The following MGMT variants were observed in gnomAD, a reference collection of about 807,000 sequenced individuals.
MGMT encodes the protein O-6-methylguanine-DNA methyltransferase.
Under a neutral mutation model 15.9 loss-of-function variants are expected in MGMT, and 14 were observed. That is an observed-to-expected ratio of 0.88 (90% CI 0.58 to 1.37). The LOEUF is 1.37. Among genes scored for constraint, MGMT ranks in the 40% most tolerant of loss-of-function variants. MGMT has a pLI of 0.00. For synonymous variants in MGMT, 130 were observed against 118.2 expected (o/e 1.10, Z -0.65); for missense variants, 282 against 268.1 (o/e 1.05, Z -0.36).
chr10:129,684,378 C>G (rs1409890129), intron 2 of MGMT, among the ~76,000 whole-genome samples: 1 of 152,160 alleles, frequency 6.6e-6, no homozygotes, highest in East Asian at 1.9e-4. Flanking sequence ...TGCAGGGGGG[C>G]CATCCCAGCA....
At chr10:129,612,382 A>G (rs1346265709) in intron 2 of MGMT, among the ~76,000 whole-genome samples, 4 of 152,230 alleles carry the variant, frequency 2.6e-5, no homozygotes, top group Non-Finnish European at 4.4e-5. Flanking sequence ...CATGCCTGAA[A>G]CAGTCTCTCA....
At chr10:129,552,867 G>GT (rs1173936304) in intron 2 of MGMT, among the ~76,000 whole-genome samples, 3 of 152,234 alleles carry the variant, frequency 2.0e-5, no homozygotes, top group East Asian at 3.9e-4. Flanking sequence ...ACCTTTTAAC[G>GT]TTTTTTTCCT....
intron 2 of MGMT, among the ~76,000 whole-genome samples, chr10:129,619,877 C>T (rs1273608284): frequency 6.6e-6 from 1 of 152,132 alleles, no homozygotes; most frequent in Non-Finnish European, 1.5e-5. Context: ...AGTCTTGTTA[C>T]AGGTTTATTC....
At chr10:129,512,481 T>G (rs1321378537) in intron 1 of MGMT, among the ~76,000 whole-genome samples, 1 of 152,114 alleles carries the variant, frequency 6.6e-6, no homozygotes, top group African/African-American at 2.4e-5. Flanking sequence ...CCACACCAGG[T>G]CTCTGGAAGG....
At chr10:129,471,765 T>C (rs879404956) in intron 1 of MGMT, among the ~76,000 whole-genome samples, 11 of 152,058 alleles carry the variant, frequency 7.2e-5, no homozygotes, top group Admixed American at 5.9e-4. Context: ...TGAGCACCTC[T>C]AGGGAAGGCC....
chr10:129,640,482 T>G (rs1847315821), intron 2 of MGMT, among the ~76,000 whole-genome samples: 1 of 152,230 alleles, frequency 6.6e-6, no homozygotes, highest in Non-Finnish European at 1.5e-5. Context: ...AATTTATAAT[T>G]TAAGCCTTTC....
chr10:129,643,750 C>T (rs1847354711), intron 2 of MGMT, among the ~76,000 whole-genome samples: 1 of 152,226 alleles, frequency 6.6e-6, no homozygotes, highest in South Asian at 2.1e-4. Flanking sequence ...TTACAGCAGT[C>T]CTCTCTTTGG....
At chr10:129,618,101 G>T in intron 2 of MGMT, among the ~76,000 whole-genome samples, 1 of 152,110 alleles carries the variant, frequency 6.6e-6, no homozygotes. Flanking sequence ...CAGAGATAGA[G>T]CCAGGCCCCT....
chr10:129,649,722 C>T lies in MGMT; in HGVS notation c.126-58173C>T, dbSNP rs1306768961. The stretch of plus-strand genomic sequence containing the variant: ...GATGTAAATAAAGGAATATTTTAGG[C>T]TAACGTTGCTCCAAGAAGCAGTATT... On this transcript the variant is annotated intron_variant, in intron 2 of 4. Coordinates refer to ENST00000651593, the MANE Select transcript of MGMT (RefSeq NM_002412.5). Among the ~76,000 whole-genome samples the T allele has an allele frequency of 2.0e-5, 3 of 152,138 alleles. No homozygotes were observed. In the East Asian group the frequency reaches 5.8e-4, roughly 29 times the overall value.
chr10:129,743,155 G>A (rs1361525645), intron 3 of MGMT, among the ~76,000 whole-genome samples: 4 of 152,220 alleles, frequency 2.6e-5, no homozygotes, highest in South Asian at 2.1e-4. Context: ...TGGAATACCC[G>A]CTTTATCTCT....
At chr10:129,476,645 C>T (rs959028533) in intron 1 of MGMT, among the ~76,000 whole-genome samples, 4 of 152,122 alleles carry the variant, frequency 2.6e-5, no homozygotes, top group African/African-American at 9.7e-5. Context: ...TAGGACCCAT[C>T]GCCAGGCTGC....
chr10:129,642,933 TAAGAAAAAAAA>T (rs1847344074), intron 2 of MGMT, among the ~76,000 whole-genome samples: 1 of 148,950 alleles, frequency 6.7e-6, no homozygotes, highest in South Asian at 2.1e-4. Flanking sequence ...ACCTGTCTCT[TAAGAAAAAAAA>T]AAGAAAAAAA....
At chr10:129,673,506 G>A (rs569451771) in intron 2 of MGMT, among the ~76,000 whole-genome samples, 5 of 152,156 alleles carry the variant, frequency 3.3e-5, no homozygotes, top group South Asian at 2.1e-4. Context: ...CCTTGCGGTC[G>A]AGCCCAGCTG....
At chr10:129,762,294 G>A (rs547275251) in intron 4 of MGMT, among the ~76,000 whole-genome samples, 2 of 152,328 alleles carry the variant, frequency 1.3e-5, no homozygotes, top group Admixed American at 1.3e-4. Flanking sequence ...AGAAAACATC[G>A]TAAAGCTCAT....
At chr10:129,501,711 G>A (rs1845576300) in intron 1 of MGMT, among the ~76,000 whole-genome samples, 1 of 152,172 alleles carries the variant, frequency 6.6e-6, no homozygotes, top group Non-Finnish European at 1.5e-5. Flanking sequence ...TGGTCACCAC[G>A]ACCATTCCGA....
intron 1 of MGMT, among the ~76,000 whole-genome samples, chr10:129,487,935 GTA>G (rs1233041323): frequency 6.9e-5 from 10 of 144,228 alleles, no homozygotes; most frequent in Non-Finnish European, 1.5e-4. Flanking sequence ...GTGTGTGTGT[GTA>G]TATATATACA....
chr10:129,531,852 G>A (rs1408484807), intron 1 of MGMT, among the ~76,000 whole-genome samples: 1 of 151,948 alleles, frequency 6.6e-6, no homozygotes, highest in Non-Finnish European at 1.5e-5. Flanking sequence ...AATGAGGCAG[G>A]GCTTTATTTT....
In MGMT at chr10:129,546,566, C is replaced by T. The variant is rs545721314; in HGVS notation, c.125+10189C>T. The stretch of plus-strand genomic sequence containing the variant: ...TAAAAGACCTGGAGGAACAGTTTAA[C>T]AAGTGGGTGGCCATGAAGAGCTACC... On this transcript the variant is annotated intron_variant, in intron 2 of 4. Transcript: ENST00000651593. Among the ~76,000 whole-genome samples, 104 of 152,280 alleles carry T rather than the reference C, an allele frequency of 6.8e-4. 1 individual carries two copies. Among genetic ancestry groups the T allele is most frequent in the African/African-American group, 2.3e-3 (97 of 41,542 alleles).
intron 3 of MGMT, among the ~76,000 whole-genome samples, chr10:129,718,111 C>T (rs1379552956): frequency 6.6e-6 from 1 of 152,188 alleles, no homozygotes; most frequent in Non-Finnish European, 1.5e-5. Context: ...TTTGGTTTGG[C>T]CTCTGAGATA....
Sources: gnomAD v4.1 joint callset for allele counts (sites outside exome capture counted in the v4.1 genomes callset) on GRCh38, gnomAD v4.1.1 for gene constraint, MANE v1.5 for transcripts, NCBI Gene and HGNC (gene_info 2026-07-23, HGNC 2026-07-21) for gene names.